The following SOHLH2 variants were observed in gnomAD, a reference collection of about 807,000 sequenced individuals.
The protein encoded by SOHLH2 is spermatogenesis- and oogenesis-specific basic helix-loop-helix-containing protein 2.
In SOHLH2, 22 loss-of-function variants were observed where a neutral mutation model predicts 50.4. The observed-to-expected ratio is 0.44, with a 90% CI of 0.31 to 0.62. The LOEUF is 0.62. SOHLH2 is among the 20% of genes least tolerant of loss of function. The pLI is 0.08. For synonymous variants in SOHLH2, 185 were observed against 187.3 expected (o/e 0.99, Z 0.10); for missense variants, 412 against 504.4 (o/e 0.82, Z 1.76).
chr13:36,204,640 G>A lies in SOHLH2; in HGVS notation c.49-2547C>T, dbSNP rs189387581. ...TTTCTGGACTTCATTCTGATCCACT[G>A]ATCTATTTGCCTATTCCTGGTTAAT... is the stretch of plus-strand genomic sequence containing the variant. On this transcript the variant is annotated intron_variant, in intron 1 of 10. Coordinates refer to ENST00000379881, the MANE Select transcript of SOHLH2 (RefSeq NM_017826.3). Among the ~76,000 whole-genome samples the A allele has an allele frequency of 3.4e-4, 52 of 152,210 alleles. No homozygotes were observed. In the Middle Eastern group the frequency reaches 0.01, roughly 30 times the overall value.
intron 2 of SOHLH2, among the ~76,000 whole-genome samples, chr13:36,195,647 AG>A (rs1471597605): frequency 6.6e-6 from 1 of 152,220 alleles, no homozygotes; most frequent in Non-Finnish European, 1.5e-5. Context: ...GAAAGACCCT[AG>A]GGCAGTGATC....
At chr13:36,196,555 T>C (rs930543511) in intron 2 of SOHLH2, among the ~76,000 whole-genome samples, 6 of 152,144 alleles carry the variant, frequency 3.9e-5, no homozygotes, top group Admixed American at 3.3e-4. Context: ...TATTGGGTAG[T>C]TTAAATGTTG....
At chr13:36,210,715 A>G (rs1163174737) in intron 1 of SOHLH2, among the ~76,000 whole-genome samples, 1 of 152,186 alleles carries the variant, frequency 6.6e-6, no homozygotes. Flanking sequence ...ATACCAATTT[A>G]AACTCCTTAG....
chr13:36,185,124 G>C (rs943885780), intron 6 of SOHLH2, among the ~76,000 whole-genome samples: 3 of 152,124 alleles, frequency 2.0e-5, no homozygotes, highest in African/African-American at 7.2e-5. Flanking sequence ...TGGCTACATA[G>C]TATTGTGTGG....
chr13:36,172,919 C>T (rs565750466), intron 9 of SOHLH2, among the ~76,000 whole-genome samples: 19 of 152,302 alleles, frequency 1.2e-4, no homozygotes, highest in African/African-American at 3.4e-4. Flanking sequence ...GGTTTCTAGA[C>T]GGAGAGTAAC....
At chr13:36,183,562 T>C (rs1049181393) in intron 6 of SOHLH2, among the ~76,000 whole-genome samples, 1 of 152,100 alleles carries the variant, frequency 6.6e-6, no homozygotes, top group Admixed American at 6.5e-5. Flanking sequence ...TAGATTAGAC[T>C]AATGAACACA....
At chr13:36,180,262 T>C (rs1343534520) in intron 6 of SOHLH2, among the ~76,000 whole-genome samples, 1 of 152,172 alleles carries the variant, frequency 6.6e-6, no homozygotes. Flanking sequence ...TTGTGATATA[T>C]TGTGTCTGTC....
rs558065080 is a variant in SOHLH2, at chr13:36,206,878, T to C, written c.49-4785A>G. ...ATGATATTATATAAATATATAACTATAATATTTAACAACATATGTAATCTA... is the reference window on the plus strand; with the variant it reads ...ATGATATTATATAAATATATAACTACAATATTTAACAACATATGTAATCTA... On this transcript the variant is annotated intron_variant, in intron 1 of 10. Coordinates refer to ENST00000379881, the MANE Select transcript of SOHLH2 (RefSeq NM_017826.3). Among the ~76,000 whole-genome samples the C allele has an allele frequency of 2.6e-4, 39 of 151,558 alleles. No homozygotes were observed. In the South Asian group the frequency reaches 8.1e-3, roughly 31 times the overall value.
intron 1 of SOHLH2, among the ~76,000 whole-genome samples, chr13:36,210,954 T>C (rs926202155): frequency 5.9e-5 from 9 of 152,210 alleles, no homozygotes; most frequent in African/African-American, 2.2e-4. Context: ...TAAGCCTTTG[T>C]GATGCCTGTG....
chr13:36,191,930 A>G (rs1887586240), intron 4 of SOHLH2, 36 bp from the exon 5 acceptor site: 1 of 1,611,134 alleles, frequency 6.2e-7, no homozygotes, highest in Non-Finnish European at 8.5e-7. Flanking sequence ...TTATTTCTGA[A>G]GTCACTTAAG....
At chr13:36,213,737 C>G (rs1305810564) in intron 1 of SOHLH2, among the ~76,000 whole-genome samples, 1 of 152,160 alleles carries the variant, frequency 6.6e-6, no homozygotes, top group African/African-American at 2.4e-5. Context: ...GAGCAGGTCC[C>G]GTTCCCACCA....
chr13:36,183,995 T>G (rs1383438683), intron 6 of SOHLH2, among the ~76,000 whole-genome samples: 2 of 152,142 alleles, frequency 1.3e-5, no homozygotes, highest in East Asian at 3.8e-4. Context: ...TGAAAAACAC[T>G]ATTGACTAAT....
chr13:36,199,649 G>A (rs1457763626), intron 2 of SOHLH2, among the ~76,000 whole-genome samples: 1 of 152,152 alleles, frequency 6.6e-6, no homozygotes, highest in Non-Finnish European at 1.5e-5. Context: ...TCTTTTCTCT[G>A]CTAAGAAATC....
Position 36,211,434 on chromosome 13 carries a change from A to G in SOHLH2, c.48+3045T>C, listed in dbSNP as rs1012709838. 4.6e-5 allele frequency among the ~76,000 whole-genome samples: 7 copies of G among 152,368 alleles called. No homozygotes were observed. The East Asian group carries it at 1.3e-3, about 29-fold the overall frequency. ...CACAGGGCTGGGCGCTAGGAGCACA[A>G]GGTGAACAAACAAGACAAGGTCCTT... is the stretch of plus-strand genomic sequence containing the variant. On this transcript the variant is annotated intron_variant, in intron 1 of 10. Coordinates refer to ENST00000379881, the MANE Select transcript of SOHLH2 (RefSeq NM_017826.3).
chr13:36,206,420 A>G (rs1325957254), intron 1 of SOHLH2, among the ~76,000 whole-genome samples: 2 of 152,046 alleles, frequency 1.3e-5, no homozygotes, highest in African/African-American at 4.8e-5. Context: ...TTTTAATCTA[A>G]GACTTTTATT....
Position 36,180,392 on chromosome 13 carries a change from T to C in SOHLH2, c.642-5523A>G, listed in dbSNP as rs182002739. ...TTTAGGCCTTTTGCCTTATCTAATA[T>C]AAGCATTTAAAGCCACAGTGTTTTC... On this transcript the variant is annotated intron_variant, in intron 6 of 10. Coordinates refer to ENST00000379881, the MANE Select transcript of SOHLH2 (RefSeq NM_017826.3). Among the ~76,000 whole-genome samples the C allele has an allele frequency of 4.6e-4, 70 of 152,328 alleles. No individual in the cohort carries two copies. In the Middle Eastern group the frequency reaches 0.02, roughly 44 times the overall value.
chr13:36,180,208 A>C (rs1435421113), intron 6 of SOHLH2, among the ~76,000 whole-genome samples: 2 of 152,102 alleles, frequency 1.3e-5, no homozygotes, highest in Admixed American at 1.3e-4. Flanking sequence ...TTTGTATTTA[A>C]ATATTTAGAG....
chr13:36,214,369 C>A, intron 1 of SOHLH2, 110 bp downstream of exon 1: 2 of 1,346,646 alleles, frequency 1.5e-6, no homozygotes, highest in South Asian at 1.3e-5. Flanking sequence ...CCACAGTTCC[C>A]CGACAATGAG....
At chr13:36,205,907 CCTT>C (rs1868730457) in intron 1 of SOHLH2, among the ~76,000 whole-genome samples, 1 of 151,898 alleles carries the variant, frequency 6.6e-6, no homozygotes, top group African/African-American at 2.4e-5. Context: ...AAGTTTCTCA[CCTT>C]CTCTTAAATG....
Sources: allele counts gnomAD v4.1 joint callset (sites outside exome capture counted in the v4.1 genomes callset), GRCh38; gene constraint gnomAD v4.1.1; transcripts MANE v1.5; gene names NCBI Gene and HGNC (gene_info 2026-07-23, HGNC 2026-07-21).